The following SLC33A2 variants were observed in gnomAD, a reference collection of about 807,000 sequenced individuals.
SLC33A2 encodes the protein major facilitator superfamily domain containing 3.
At chr8:144,510,546 C>T in the SLC33A2 span, 4 of 1,611,224 alleles carry the variant, frequency 2.5e-6, no homozygotes, top group East Asian at 2.2e-5. Flanking sequence ...CCCACTTGTA[C>T]CTGAGCTGCC....
the SLC33A2 span, chr8:144,510,267 G>A: frequency 6.4e-7 from 1 of 1,552,378 alleles, no homozygotes; most frequent in Non-Finnish European, 8.7e-7. Context: ...GAACACTGAG[G>A]AGAGCAGGGC....
the SLC33A2 span, chr8:144,510,558 C>T: frequency 6.2e-7 from 1 of 1,610,444 alleles, no homozygotes; most frequent in East Asian, 2.2e-5. Context: ...TGAGCTGCCC[C>T]CAATCCACTA....
chr8:144,509,577 G>T, the SLC33A2 span: 1 of 1,528,812 alleles, frequency 6.5e-7, no homozygotes, highest in South Asian at 1.2e-5. Context: ...CCTGGTGTGT[G>T]GGCTGCTTGC....
chr8:144,510,349 C>T, the SLC33A2 span: 42 of 1,611,354 alleles, frequency 2.6e-5, no homozygotes, highest in Non-Finnish European at 3.5e-5. Context: ...ATGCCCCCCC[C>T]ACCACCCAAG....
the SLC33A2 span, chr8:144,510,008 CA>C: frequency 6.3e-7 from 1 of 1,594,670 alleles, no homozygotes; most frequent in South Asian, 1.1e-5. Flanking sequence ...TGCTCACCTA[CA>C]AGCTGGGTGA....
At chr8:144,509,219 C>T in the SLC33A2 span, 3 of 1,123,634 alleles carry the variant, frequency 2.7e-6, no homozygotes, top group South Asian at 3.5e-5. Flanking sequence ...TCTGCCCGGT[C>T]CCAGAACCAA....
At chr8:144,511,125 CG>C in the SLC33A2 span, 1 of 1,610,656 alleles carries the variant, frequency 6.2e-7, no homozygotes, top group Non-Finnish European at 8.5e-7. Context: ...CTGCCTTTCC[CG>C]TTCTGTACCT....
chr8:144,509,195 T>A, the SLC33A2 span: 2 of 852,448 alleles, frequency 2.3e-6, no homozygotes, highest in African/African-American at 3.6e-5. Context: ...GACCCTAGCC[T>A]GTACGACGCT....
At chr8:144,509,737 G>T in the SLC33A2 span, 1 of 1,567,172 alleles carries the variant, frequency 6.4e-7, no homozygotes. Context: ...CTGGGGCCGG[G>T]CAATACCGTG....
chr8:144,509,259 A>C, the SLC33A2 span: 3 of 1,384,018 alleles, frequency 2.2e-6, no homozygotes, highest in Non-Finnish European at 1.9e-6. Context: ...CTCTGACCCC[A>C]CGCGGAGGGG....
the SLC33A2 span, chr8:144,511,119 C>T: frequency 2.5e-5 from 40 of 1,610,598 alleles, 1 homozygote; most frequent in South Asian, 4.1e-4. Flanking sequence ...TCCTCTCTGC[C>T]TTTCCCGTTC....
chr8:144,509,131 G>A, the SLC33A2 span: 2 of 501,838 alleles, frequency 4.0e-6, no homozygotes, highest in African/African-American at 2.0e-5. Flanking sequence ...GTTTGGACCC[G>A]ACTTCGGTTC....
the SLC33A2 span, chr8:144,510,185 C>T: frequency 4.7e-6 from 6 of 1,272,262 alleles, no homozygotes; most frequent in Admixed American, 4.6e-5. Context: ...GTCTTGTCCG[C>T]CCCCAGCTCT....
At chr8:144,511,023 G>C in the SLC33A2 span, 1 of 1,603,224 alleles carries the variant, frequency 6.2e-7, no homozygotes. Context: ...CCACGCTGGA[G>C]CTGCTGGGGA....
the SLC33A2 span, chr8:144,510,149 T>A: frequency 7.7e-7 from 1 of 1,302,348 alleles, no homozygotes; most frequent in South Asian, 1.4e-5. Flanking sequence ...GGCCCTGACA[T>A]CCGGGGCTCT....
At chr8:144,510,458 T>C in the SLC33A2 span, 1 of 1,612,920 alleles carries the variant, frequency 6.2e-7, no homozygotes, top group Non-Finnish European at 8.5e-7. Flanking sequence ...TGCTGTGGTC[T>C]GCTCCATCGC....
At chr8:144,509,824 C>T in the SLC33A2 span, 1 of 1,539,362 alleles carries the variant, frequency 6.5e-7, no homozygotes, top group East Asian at 2.4e-5. Context: ...TTCTCGTGGC[C>T]GCAACTCTTT....
At chr8:144,510,866 T>C in the SLC33A2 span, 1 of 1,609,340 alleles carries the variant, frequency 6.2e-7, no homozygotes. Flanking sequence ...TTCACTGGGA[T>C]GATGCGCTGC....
the SLC33A2 span, chr8:144,510,980 AC>A: frequency 6.9e-6 from 11 of 1,599,218 alleles, no homozygotes; most frequent in Middle Eastern, 1.7e-4. Context: ...CGTGACCCCC[AC>A]CCCCCTCAGG....
Sources: allele counts gnomAD v4.1 joint callset, GRCh38; gene constraint gnomAD v4.1.1; transcripts MANE v1.5; gene names NCBI Gene and HGNC (gene_info 2026-07-23, HGNC 2026-07-21).